The following BCKDHB variants were observed in gnomAD, a reference collection of about 807,000 sequenced individuals.
BCKDHB encodes the protein 2-oxoisovalerate dehydrogenase subunit beta, mitochondrial.
A neutral mutation model predicts 48.5 loss-of-function variants in BCKDHB; 41 were observed. That is an observed-to-expected ratio of 0.85 (90% confidence interval 0.66 to 1.10). The LOEUF is 1.10. Ranked by LOEUF, BCKDHB falls within the 50% of genes least tolerant of loss-of-function variation. BCKDHB has a pLI of 0.00. For synonymous variants in BCKDHB, 201 were observed against 174.8 expected (o/e 1.15, Z -1.18); for missense variants, 496 against 494.2 (o/e 1.00, Z -0.03).
rs994386929 is a variant in BCKDHB at position 80,115,768 on chromosome 6, C to T, written c.196+8879C>T. On this transcript the variant is annotated intron_variant, in intron 1 of 9. Coordinates refer to ENST00000320393, the MANE Select transcript of BCKDHB (RefSeq NM_183050.4). ...TCTCCTGCCTCAGCCTCCCAAGTAG[C>T]TGGAACTACAGGCGCCTGCCACCAC... Among the ~76,000 whole-genome samples, 7 of 152,146 alleles carry T rather than the reference C, an allele frequency of 4.6e-5. No homozygotes were observed. The South Asian group carries it at 1.2e-3, about 27-fold the overall frequency.
the BCKDHB span, among the ~76,000 whole-genome samples, chr6:80,404,369 A>G: frequency 7.2e-5 from 11 of 151,872 alleles, no homozygotes; most frequent in Non-Finnish European, 1.6e-4. Flanking sequence ...ATGTATAATT[A>G]TAATCTCTTC....
chr6:80,332,171 T>C (rs1263269634), intron 9 of BCKDHB, among the ~76,000 whole-genome samples: 1 of 152,084 alleles, frequency 6.6e-6, no homozygotes, highest in Admixed American at 6.5e-5. Flanking sequence ...CAACTAGCTT[T>C]ACACCTCTCA....
At chr6:80,277,623 A>G (rs1278757988) in intron 9 of BCKDHB, among the ~76,000 whole-genome samples, 1 of 150,996 alleles carries the variant, frequency 6.6e-6, no homozygotes, top group African/African-American at 2.4e-5. Flanking sequence ...AAAGAGTGCC[A>G]GAAATTTTAG....
At chr6:80,422,807 A>G in the BCKDHB span, among the ~76,000 whole-genome samples, 1 of 152,318 alleles carries the variant, frequency 6.6e-6, no homozygotes, top group East Asian at 1.9e-4. Context: ...CCCCAGTTGT[A>G]TCTAGGAAGT....
the BCKDHB span, among the ~76,000 whole-genome samples, chr6:80,358,614 GTC>G: frequency 6.6e-6 from 1 of 152,214 alleles, no homozygotes; most frequent in Non-Finnish European, 1.5e-5. Context: ...AGTGAGAGAA[GTC>G]AACGCAAAAG....
chr6:80,385,602 C>A, the BCKDHB span, among the ~76,000 whole-genome samples: 1 of 152,158 alleles, frequency 6.6e-6, no homozygotes, highest in Non-Finnish European at 1.5e-5. Context: ...CCTGAGGCAA[C>A]AGTGATGGCC....
chr6:80,167,869 C>T (rs2127773649), intron 4 of BCKDHB, 58 bp downstream of exon 4: 1 of 1,542,200 alleles, frequency 6.5e-7, no homozygotes, highest in Non-Finnish European at 8.9e-7. Flanking sequence ...AGTATTGCCG[C>T]TACCCTTCCA....
At position 80,180,871 on chromosome 6, in the gene BCKDHB, A is replaced by G. The variant is rs576168560; in HGVS notation, c.742+9481A>G. Among the ~76,000 whole-genome samples, 4 of 152,354 alleles carry G rather than the reference A, an allele frequency of 2.6e-5. No homozygotes were observed. In the East Asian group the frequency reaches 5.8e-4, roughly 22 times the overall value. ...ATATTTAATGCTAGGTACACTCACA[A>G]GAGTAAGTTGGATCCATTAGTGGGA... is the stretch of plus-strand genomic sequence containing the variant. On this transcript the variant is annotated intron_variant, in intron 6 of 9. Coordinates refer to ENST00000320393, the MANE Select transcript of BCKDHB (RefSeq NM_183050.4).
intron 6 of BCKDHB, among the ~76,000 whole-genome samples, chr6:80,191,372 G>T (rs1773886782): frequency 6.6e-6 from 1 of 152,138 alleles, no homozygotes; most frequent in Admixed American, 6.5e-5. Flanking sequence ...CACAGCTAGT[G>T]CTTGGTGTCT....
chr6:80,275,177 T>A (rs572600710), intron 9 of BCKDHB, among the ~76,000 whole-genome samples: 2 of 152,166 alleles, frequency 1.3e-5, no homozygotes, highest in Non-Finnish European at 2.9e-5. Flanking sequence ...GAAATATTGA[T>A]CTAAACCAAC....
the BCKDHB span, among the ~76,000 whole-genome samples, chr6:80,352,352 A>G: frequency 2.0e-5 from 3 of 152,034 alleles, no homozygotes; most frequent in South Asian, 6.2e-4. Context: ...AAAAGGGTGA[A>G]ACCTCTATAT....
At chr6:80,431,682 T>A in the BCKDHB span, among the ~76,000 whole-genome samples, 1 of 152,240 alleles carries the variant, frequency 6.6e-6, no homozygotes, top group Non-Finnish European at 1.5e-5. Context: ...TGGTAAATAT[T>A]ACTCCATCCC....
the BCKDHB span, among the ~76,000 whole-genome samples, chr6:80,398,393 A>G: frequency 2.0e-5 from 3 of 152,248 alleles, no homozygotes; most frequent in African/African-American, 4.8e-5. Context: ...TACAAAGTGA[A>G]TGTTACCACT....
intron 1 of BCKDHB, 55 bp downstream of exon 1, chr6:80,106,944 C>T (rs908719052): frequency 1.7e-5 from 26 of 1,557,244 alleles, no homozygotes; most frequent in Non-Finnish European, 2.2e-5. Context: ...CCCAGGCTCG[C>T]AGGCGCCCGC....
chr6:80,107,012 T>A, intron 1 of BCKDHB, 123 bp downstream of exon 1: 5 of 1,247,882 alleles, frequency 4.0e-6, no homozygotes, highest in Non-Finnish European at 5.7e-6. Context: ...ACTTCCTGAC[T>A]CTCTGGAACC....
chr6:80,179,151 C>T (rs1773298909), intron 6 of BCKDHB, among the ~76,000 whole-genome samples: 1 of 152,082 alleles, frequency 6.6e-6, no homozygotes, highest in Non-Finnish European at 1.5e-5. Flanking sequence ...GCCTTTGAAG[C>T]AGCTGGGACC....
intron 7 of BCKDHB, 56 bp from the exon 8 acceptor site, chr6:80,203,046 T>C (rs1774469952): frequency 1.6e-6 from 2 of 1,229,648 alleles, no homozygotes; most frequent in African/African-American, 3.0e-5. Context: ...ATTCAACTAG[T>C]TTTTGAGGCT....
intron 8 of BCKDHB, among the ~76,000 whole-genome samples, chr6:80,263,685 G>C (rs1268072308): frequency 1.3e-5 from 2 of 152,128 alleles, no homozygotes; most frequent in African/African-American, 4.8e-5. Context: ...TTATACTTTT[G>C]ATCATTCCTT....
At chr6:80,129,932 A>C (rs2127728801) in intron 3 of BCKDHB, among the ~76,000 whole-genome samples, 1 of 152,344 alleles carries the variant, frequency 6.6e-6, no homozygotes. Flanking sequence ...TGTTTGACCA[A>C]ATATTAATAA....
Sources: gnomAD v4.1 joint callset for allele counts (sites outside exome capture counted in the v4.1 genomes callset) on GRCh38, gnomAD v4.1.1 for gene constraint, MANE v1.5 for transcripts, NCBI Gene and HGNC (gene_info 2026-07-23, HGNC 2026-07-21) for gene names.